P4HA1: variants seen among roughly 807,000 people sequenced by gnomAD.
The protein encoded by P4HA1 is prolyl 4-hydroxylase subunit alpha 1.
Under a neutral mutation model 72.8 loss-of-function variants are expected in P4HA1, and 24 were observed. The observed-to-expected ratio is 0.33, with a 90% CI of 0.24 to 0.46. P4HA1 has a LOEUF of 0.46. P4HA1 is among the 20% of genes least tolerant of loss of function. The probability of loss-of-function intolerance (pLI) is 1.00; values close to 1 mark genes in which losing one functional copy is unlikely to be tolerated. For missense variants in P4HA1, 446 were observed against 640.6 expected, an observed-to-expected ratio of 0.70 and a Z score of 3.28; for synonymous variants, 201 against 218.8, an observed-to-expected ratio of 0.92 and a Z score of 0.72.
In P4HA1 at chr10:73,092,379, T is replaced by C. The variant is rs555448149; in HGVS notation, c.-33+4387A>G. ...TTTTTTTTTTTTTAGAGACAGGGTC[T>C]TGCACTCTCACCCAGGCTAGAGTGC... is the stretch of plus-strand genomic sequence containing the variant. On this transcript the variant is annotated intron_variant, in intron 1 of 14. Transcript: ENST00000394890. 3.1e-3 allele frequency among the ~76,000 whole-genome samples: 450 copies of C among 147,364 alleles called. 2 individuals carry two copies. Among genetic ancestry groups the C allele is most frequent in the African/African-American group, 0.011 (437 of 39,606 alleles).
Position 73,010,980 on chromosome 10 carries a change from A to C in P4HA1, c.1426T>G (p.Trp476Gly). The change falls in exon 13 of 15, where the codon TGG becomes GGG. Residue 476 changes from tryptophan (W) to glycine (G), a missense_variant. Trp to Gly is a radical substitution (Grantham distance 184). Transcript: ENST00000394890. ...ACAAACAGGCTTACTTTTTTGGGCCAAACACTAGCTCCAACTTCAGGAAAA... is the reference window on the plus strand; with the variant it reads ...ACAAACAGGCTTACTTTTTTGGGCCCAACACTAGCTCCAACTTCAGGAAAA... ...TVFPEVGASV[W>G]PKKGTAVFWY... The C allele has an allele frequency of 6.2e-7, 1 of 1,613,620 alleles. No individual in the cohort carries two copies. The highest frequency in any genetic ancestry group is 8.5e-7 in the Non-Finnish European group (1 of 1,179,660).
At chr10:73,071,128 G>A (rs1043346579) in intron 4 of P4HA1, among the ~76,000 whole-genome samples, 1 of 151,508 alleles carries the variant, frequency 6.6e-6, no homozygotes, top group African/African-American at 2.4e-5. Context: ...CAAAGCTGCA[G>A]TGAGCCACCA....
chr10:73,013,567 T>A (rs886733586), intron 12 of P4HA1, among the ~76,000 whole-genome samples: 1 of 152,236 alleles, frequency 6.6e-6, no homozygotes, highest in Admixed American at 6.5e-5. Context: ...AGAGATACAT[T>A]AAGAAAATCG....
At chr10:73,078,600 A>ATT (rs770821126) in intron 1 of P4HA1, among the ~76,000 whole-genome samples, 3,408 of 99,734 alleles carry the variant, frequency 0.034, 554 homozygotes, top group African/African-American at 0.13. Context: ...GCAGTAGGTA[A>ATT]TTTTTTTTTT....
At chr10:73,040,231 C>T (rs1288468429) in intron 9 of P4HA1, among the ~76,000 whole-genome samples, 2 of 151,762 alleles carry the variant, frequency 1.3e-5, no homozygotes, top group African/African-American at 4.8e-5. Flanking sequence ...ATGGTTGTAC[C>T]TTTCTCAAAA....
In P4HA1 at chr10:73,089,050, TG is replaced by T. The variant is rs1329604342; in HGVS notation, c.-33+7715del. Among the ~76,000 whole-genome samples the T allele has an allele frequency of 1.6e-4, 24 of 152,346 alleles. No homozygotes were observed. The East Asian group carries it at 4.6e-3, about 29-fold the overall frequency. On this transcript the variant is annotated intron_variant, in intron 1 of 14. Transcript: ENST00000394890. ...AATCCTCTGAGATTTGGACTAGAAA[TG>T]TGCTGAATCTATAAATCAGTTTGAG...
chr10:73,013,697 T>C (rs977177738), intron 12 of P4HA1, among the ~76,000 whole-genome samples: 15 of 152,214 alleles, frequency 9.9e-5, no homozygotes, highest in Admixed American at 3.9e-4. Context: ...ATTTTAAAAA[T>C]TGAATTATGA....
chr10:73,050,212 T>TA (rs1355147838), intron 7 of P4HA1, among the ~76,000 whole-genome samples: 6 of 150,152 alleles, frequency 4.0e-5, no homozygotes, highest in Admixed American at 1.3e-4. Context: ...GCATTAAATA[T>TA]AAAAAAAACT....
At chr10:73,076,253 G>A (rs1841694904) in intron 1 of P4HA1, among the ~76,000 whole-genome samples, 1 of 151,998 alleles carries the variant, frequency 6.6e-6, no homozygotes, top group African/African-American at 2.4e-5. Flanking sequence ...TTAAGAGACA[G>A]GGGTCTTGTT....
chr10:73,069,804 C>CT (rs1564633925), intron 4 of P4HA1, among the ~76,000 whole-genome samples: 4 of 145,540 alleles, frequency 2.7e-5, no homozygotes, highest in African/African-American at 1.1e-4. Flanking sequence ...TTATAATCAA[C>CT]TGTTTTGTTT....
At chr10:73,070,605 G>T (rs1219837747) in intron 4 of P4HA1, among the ~76,000 whole-genome samples, 1 of 152,008 alleles carries the variant, frequency 6.6e-6, no homozygotes, top group Non-Finnish European at 1.5e-5. Context: ...GATCAATCAT[G>T]GGAGTTTTGA....
In P4HA1 at chr10:73,047,040, A is replaced by C; in HGVS notation, c.962T>G (p.Phe321Cys). 6.2e-7 allele frequency: 1 copy of C among 1,613,790 alleles called. No homozygotes were observed. Reference sequence around the variant, plus strand: ...CTCCTGTTTAGCTGGAGCCAGAATAAATTTAGGATTACGGTTTCCATCATG... The same window carrying C: ...CTCCTGTTTAGCTGGAGCCAGAATACATTTAGGATTACGGTTTCCATCATG... ...RYHDGNRNPK[F>C]ILAPAKQEDE... Residue 321 changes from phenylalanine (F) to cysteine (C), a missense_variant, in exon 8 of 15, where the codon TTT (phenylalanine) becomes TGT (cysteine). Phe to Cys is a radical substitution (Grantham distance 205, BLOSUM62 -2). Coordinates refer to ENST00000394890, the MANE Select transcript of P4HA1 (RefSeq NM_001017962.3).
intron 10 of P4HA1, among the ~76,000 whole-genome samples, chr10:73,024,610 A>C (rs1003612050): frequency 6.6e-6 from 1 of 152,218 alleles, no homozygotes; most frequent in African/African-American, 2.4e-5. Flanking sequence ...CAAATTCAAA[A>C]GCTAGCAGAA....
chr10:73,045,647 C>T (rs564922275), intron 8 of P4HA1, among the ~76,000 whole-genome samples: 104 of 151,716 alleles, frequency 6.9e-4, no homozygotes, highest in African/African-American at 2.5e-3. Flanking sequence ...AAGAGGTGAC[C>T]GCCTAGATAA....
At chr10:73,062,066 G>A (rs954142317) in intron 5 of P4HA1, among the ~76,000 whole-genome samples, 1 of 152,110 alleles carries the variant, frequency 6.6e-6, no homozygotes, top group African/African-American at 2.4e-5. Context: ...TATGCATGTT[G>A]AATTATTTAT....
Position 73,014,255 on chromosome 10 carries a change from G to A in P4HA1, c.1337C>T (p.Thr446Ile). Residue 446 changes from threonine (T) to isoleucine (I), a missense_variant, in exon 12 of 15, where the codon ACA becomes ATA. Thr to Ile is a moderately conservative substitution (Grantham distance 89). Coordinates refer to ENST00000394890, the MANE Select transcript of P4HA1 (RefSeq NM_001017962.3). Reference protein sequence around the residue: ...DEPDAFKELGTGNRIATWLFY... With the variant: ...DEPDAFKELGIGNRIATWLFY... ...CAGCCATGTAGCAATTCTATTTCCTGTCCCCAGCTCTTTGAAAGCATCTGG... is the reference window on the plus strand; with the variant it reads ...CAGCCATGTAGCAATTCTATTTCCTATCCCCAGCTCTTTGAAAGCATCTGG... 6.2e-7 allele frequency: 1 copy of A among 1,613,074 alleles called. No homozygotes were observed. Among genetic ancestry groups the A allele is most frequent in the Non-Finnish European group, 8.5e-7 (1 of 1,179,180 alleles).
At chr10:73,016,752 G>A in intron 11 of P4HA1, 94 bp downstream of exon 11, 1 of 898,782 alleles carries the variant, frequency 1.1e-6, no homozygotes, top group Non-Finnish European at 1.8e-6. Flanking sequence ...ACTCCAGCCT[G>A]GGTGACAGAG....
At chr10:73,041,865 T>C (rs1840744560) in intron 9 of P4HA1, among the ~76,000 whole-genome samples, 1 of 151,796 alleles carries the variant, frequency 6.6e-6, no homozygotes. Context: ...GACAGGATCT[T>C]ACTCTGTCAC....
At chr10:73,055,474 G>A (rs1368810094) in intron 5 of P4HA1, among the ~76,000 whole-genome samples, 1 of 152,218 alleles carries the variant, frequency 6.6e-6, no homozygotes, top group Non-Finnish European at 1.5e-5. Context: ...AAACTGCTGG[G>A]ATTACAGGTG....
Sources: gnomAD v4.1 joint callset for allele counts (sites outside exome capture counted in the v4.1 genomes callset) on GRCh38, gnomAD v4.1.1 for gene constraint, MANE v1.5 for transcripts, NCBI Gene and HGNC (gene_info 2026-07-23, HGNC 2026-07-21) for gene names.